POU6F2: variants seen among roughly 807,000 people sequenced by gnomAD.
POU6F2 encodes the protein POU class 6 homeobox 2.
A neutral mutation model predicts 71.3 loss-of-function variants in POU6F2; 31 were observed. That is an observed-to-expected ratio of 0.43 (90% CI 0.33 to 0.59). POU6F2 has a LOEUF of 0.59. POU6F2 is among the 20% of genes least tolerant of loss of function. POU6F2 has a pLI of 0.04. For synonymous variants in POU6F2, 347 were observed against 355.7 expected (o/e 0.98, Z 0.27); for missense variants, 783 against 856.8 (o/e 0.91, Z 1.07).
intron 1 of POU6F2, among the ~76,000 whole-genome samples, chr7:39,039,962 A>T (rs1790148791): frequency 8.7e-6 from 1 of 114,954 alleles, no homozygotes; most frequent in Admixed American, 9.0e-5. Context: ...AGTGGGTTGT[A>T]CTGAATTCCC....
intron 6 of POU6F2, among the ~76,000 whole-genome samples, chr7:39,428,932 G>A (rs1274242924): frequency 9.6e-5 from 13 of 135,706 alleles, no homozygotes; most frequent in Non-Finnish European, 1.9e-4. Flanking sequence ...CTTGCACACA[G>A]GGTGGGGAAC....
intron 4 of POU6F2, among the ~76,000 whole-genome samples, chr7:39,241,766 A>G (rs1015088722): frequency 2.6e-5 from 4 of 152,138 alleles, no homozygotes; most frequent in Non-Finnish European, 4.4e-5. Flanking sequence ...TATACTTTAC[A>G]TAAAGCAAAA....
chr7:39,154,221 C>G (rs2128735097), intron 2 of POU6F2, among the ~76,000 whole-genome samples: 1 of 152,218 alleles, frequency 6.6e-6, no homozygotes, highest in African/African-American at 2.4e-5. Flanking sequence ...TGTCTGTCTC[C>G]TTGGCCAAGT....
intron 2 of POU6F2, among the ~76,000 whole-genome samples, chr7:39,108,829 C>A (rs972607990): frequency 7.2e-5 from 11 of 152,068 alleles, no homozygotes; most frequent in Non-Finnish European, 1.2e-4. Context: ...GATTTATATG[C>A]ACTCTTGAGA....
chr7:39,273,339 G>A (rs1015506300), intron 4 of POU6F2, among the ~76,000 whole-genome samples: 6 of 152,194 alleles, frequency 3.9e-5, no homozygotes, highest in African/African-American at 1.4e-4. Context: ...AACATTATCA[G>A]CGATGCCATG....
chr7:39,450,660 C>A (rs890421401), intron 7 of POU6F2, among the ~76,000 whole-genome samples: 2 of 152,170 alleles, frequency 1.3e-5, no homozygotes, highest in Non-Finnish European at 2.9e-5. Flanking sequence ...AACACACACA[C>A]AATTTTTAAA....
rs189298542 is a variant in POU6F2, at chr7:39,171,542, A to G, written c.278-32693A>G. Reference sequence around the variant, plus strand: ...TATTGTCTATCTTCCCAAAATATTGAGTCAAAAAGAGAGAAACAGAAGTGG... The same window carrying G: ...TATTGTCTATCTTCCCAAAATATTGGGTCAAAAAGAGAGAAACAGAAGTGG... On this transcript the variant is annotated intron_variant, in intron 2 of 9. Coordinates refer to ENST00000518318, the MANE Select transcript of POU6F2 (RefSeq NM_001370959.1). Among the ~76,000 whole-genome samples the G allele has an allele frequency of 1.4e-4, 21 of 152,300 alleles. 2 individuals are homozygous for G. In the East Asian group the frequency reaches 4.1e-3, roughly 29 times the overall value.
At chr7:39,029,493 A>T (rs200635423) in intron 1 of POU6F2, among the ~76,000 whole-genome samples, 12 of 89,644 alleles carry the variant, frequency 1.3e-4, no homozygotes, top group South Asian at 1.1e-3. Flanking sequence ...CATTTCTGGG[A>T]GGGGGGGGTG....
At chr7:39,146,016 G>T (rs919288472) in intron 2 of POU6F2, among the ~76,000 whole-genome samples, 2 of 152,206 alleles carry the variant, frequency 1.3e-5, no homozygotes, top group Non-Finnish European at 2.9e-5. Context: ...GAATTGAGCT[G>T]AGCAGTAAAG....
intron 2 of POU6F2, among the ~76,000 whole-genome samples, chr7:39,169,359 T>C (rs780964629): frequency 4.6e-5 from 7 of 152,192 alleles, no homozygotes; most frequent in African/African-American, 7.2e-5. Flanking sequence ...TGAAAGTCTT[T>C]GGGAGAAGAA....
At chr7:39,155,425 G>T (rs1174471622) in intron 2 of POU6F2, among the ~76,000 whole-genome samples, 1 of 152,144 alleles carries the variant, frequency 6.6e-6, no homozygotes, top group Non-Finnish European at 1.5e-5. Flanking sequence ...TGAAAATTGT[G>T]AAAAGTGGTT....
intron 6 of POU6F2, among the ~76,000 whole-genome samples, chr7:39,411,458 T>A (rs1787547021): frequency 6.6e-6 from 1 of 152,184 alleles, no homozygotes; most frequent in Admixed American, 6.5e-5. Context: ...TGAAATTAAG[T>A]CCTAGACCAC....
intron 7 of POU6F2, among the ~76,000 whole-genome samples, chr7:39,442,019 G>C (rs774733332): frequency 1.8e-4 from 27 of 152,188 alleles, no homozygotes; most frequent in Admixed American, 1.4e-3. Flanking sequence ...TATCCTTCCA[G>C]ATACCTCAGC....
At chr7:39,164,158 C>T (rs1160580897) in intron 2 of POU6F2, among the ~76,000 whole-genome samples, 3 of 151,598 alleles carry the variant, frequency 2.0e-5, no homozygotes, top group Non-Finnish European at 2.9e-5. Context: ...AGCCATTCCG[C>T]AATGTATACA....
At chr7:39,199,228 G>A (rs1319846081) in intron 2 of POU6F2, among the ~76,000 whole-genome samples, 3 of 152,148 alleles carry the variant, frequency 2.0e-5, no homozygotes, top group African/African-American at 2.4e-5. Context: ...TGAGCAATTC[G>A]TATTTGCAGT....
intron 9 of POU6F2, among the ~76,000 whole-genome samples, chr7:39,461,318 C>T (rs1241070670): frequency 6.6e-6 from 1 of 152,160 alleles, no homozygotes; most frequent in Non-Finnish European, 1.5e-5. Flanking sequence ...GCTCATCTCC[C>T]CCAAATTAAA....
At position 39,060,069 on chromosome 7, in the gene POU6F2, G is replaced by A. The variant is rs187772315; in HGVS notation, c.106-25791G>A. Among the ~76,000 whole-genome samples the A allele has an allele frequency of 9.1e-4, 139 of 152,168 alleles. No individual in the cohort carries two copies. The Middle Eastern group carries it at 0.01, about 11-fold the overall frequency. On this transcript the variant is annotated intron_variant, in intron 1 of 9. Coordinates refer to ENST00000518318, the MANE Select transcript of POU6F2 (RefSeq NM_001370959.1). ...CTAAAAATACAAAAATTAGCCGGGC[G>A]CGGTGGCGGGTGCCTGTAATCCCAG...
intron 2 of POU6F2, among the ~76,000 whole-genome samples, chr7:39,172,714 C>T (rs1469366143): frequency 6.6e-6 from 1 of 151,726 alleles, no homozygotes; most frequent in African/African-American, 2.4e-5. Context: ...TCGACCTCCC[C>T]GGCTCAAGTG....
chr7:38,998,033 T>C (rs971532081), intron 1 of POU6F2, among the ~76,000 whole-genome samples: 3 of 152,182 alleles, frequency 2.0e-5, no homozygotes, highest in Admixed American at 2.0e-4. Flanking sequence ...TAAGATCTTG[T>C]TGGTTTAGAA....
Sources: gnomAD v4.1 joint callset for allele counts (sites outside exome capture counted in the v4.1 genomes callset) on GRCh38, gnomAD v4.1.1 for gene constraint, MANE v1.5 for transcripts, NCBI Gene and HGNC (gene_info 2026-07-23, HGNC 2026-07-21) for gene names.